Variants in ANKRD27 observed in about 807,000 individuals in gnomAD.
ANKRD27 encodes the protein ankyrin repeat domain-containing protein 27.
ANKRD27 carries 112 observed loss-of-function variants against 129.7 expected under a neutral mutation model. That is an observed-to-expected ratio of 0.86 (90% CI 0.74 to 1.01). The LOEUF is 1.01. Among genes scored for constraint, ANKRD27 ranks in the 50% least tolerant of loss-of-function variants. The pLI is 0.00. For synonymous variants in ANKRD27, 516 were observed against 511.2 expected (o/e 1.01, Z -0.13); for missense variants, 1,258 against 1,300.5 (o/e 0.97, Z 0.50).
intron 28 of ANKRD27, among the ~76,000 whole-genome samples, chr19:32,599,410 A>T (rs546600965): frequency 6.6e-6 from 1 of 152,360 alleles, no homozygotes; most frequent in South Asian, 2.1e-4. Context: ...TTTGGTGATT[A>T]AAACCATAGT....
At chr19:32,615,900 C>A in intron 21 of ANKRD27, 120 bp from the exon 22 acceptor site, 3 of 1,393,936 alleles carry the variant, frequency 2.2e-6, no homozygotes. Flanking sequence ...TCCAACCCCA[C>A]AGCCATTTAT....
rs1320582094 is a variant in ANKRD27 at position 32,628,106 on chromosome 19, G to A, written c.1397C>T (p.Pro466Leu). The A allele has an allele frequency of 1.9e-6, 3 of 1,614,196 alleles. No individual in the cohort carries two copies. Among genetic ancestry groups the A allele is most frequent in the Non-Finnish European group, 2.5e-6 (3 of 1,179,998 alleles). Residue 466 changes from proline (P) to leucine (L), a missense_variant, in exon 15 of 29, where the codon CCT becomes CTT. Pro to Leu is a moderately conservative substitution (Grantham distance 98). Transcript: ENST00000306065. ...PFSRDDRGHT[P>L]LHVAAVCGQA... ...ACCACAGACAGCAGCCACATGGAGA[G>A]GGGTGTGCCCCCTGTCGTCTCTGGA...
chr19:32,652,170 GAGT>G (rs1967429890), intron 2 of ANKRD27, among the ~76,000 whole-genome samples: 4 of 152,238 alleles, frequency 2.6e-5, no homozygotes, highest in South Asian at 2.1e-4. Flanking sequence ...AGACTTTCCA[GAGT>G]TACCGGCATA....
chr19:32,658,215 G>A (rs1416151566), intron 2 of ANKRD27, among the ~76,000 whole-genome samples: 1 of 152,120 alleles, frequency 6.6e-6, no homozygotes, highest in Admixed American at 6.5e-5. Context: ...GGCCACAGAT[G>A]ACACAAATGC....
chr19:32,623,699 C>G (rs1972048459), intron 17 of ANKRD27, among the ~76,000 whole-genome samples: 1 of 152,038 alleles, frequency 6.6e-6, no homozygotes, highest in Non-Finnish European at 1.5e-5. Flanking sequence ...TAGGTGTGTG[C>G]CACCACACAC....
intron 18 of ANKRD27, 27 bp downstream of exon 18, chr19:32,622,395 T>C: frequency 1.9e-6 from 3 of 1,611,166 alleles, no homozygotes; most frequent in Non-Finnish European, 2.5e-6. Flanking sequence ...CGAAGTCATC[T>C]TGCCCCTCAG....
chr19:32,604,543 C>A, intron 24 of ANKRD27, 119 bp from the exon 25 acceptor site: 4 of 1,118,272 alleles, frequency 3.6e-6, no homozygotes, highest in South Asian at 4.8e-5. Context: ...TGAAAGTTTC[C>A]TTAAAATTTG....
At chr19:32,641,927 C>A in intron 10 of ANKRD27, 97 bp downstream of exon 10, 1 of 1,431,978 alleles carries the variant, frequency 7.0e-7, no homozygotes, top group South Asian at 1.5e-5. Flanking sequence ...GCCACTGCAC[C>A]CAGCCCCATA....
Position 32,607,796 on chromosome 19 carries a change from T to G in ANKRD27, c.2212A>C (p.Asn738His), listed in dbSNP as rs1189632242. Residue 738 changes from asparagine (N) to histidine (H), a missense_variant, in exon 23 of 29, where the codon AAC becomes CAC. Coordinates refer to ENST00000306065, the MANE Select transcript of ANKRD27 (RefSeq NM_032139.3). Reference sequence around the variant, plus strand: ...GAGGAGCCGTCCTGGCTGGTCACGTTCACACCAAGCCCACTGGCAGGAACC... The same window carrying G: ...GAGGAGCCGTCCTGGCTGGTCACGTGCACACCAAGCCCACTGGCAGGAACC... ...AKVPASGLGV[N>H]VTSQDGSSPL... 1.1e-5 allele frequency: 17 copies of G among 1,610,354 alleles called. No individual in the cohort carries two copies. Among genetic ancestry groups the G allele is most frequent in the Non-Finnish European group, 1.4e-5 (17 of 1,178,798 alleles).
chr19:32,638,877 A>G (rs1967140324), intron 12 of ANKRD27: 1 of 193,878 alleles, frequency 5.2e-6, no homozygotes, highest in Admixed American at 5.9e-5. Context: ...CTTGGCAGGC[A>G]TGGGATCCAG....
At chr19:32,671,729 T>G (rs1967874094) in intron 1 of ANKRD27, among the ~76,000 whole-genome samples, 1 of 152,202 alleles carries the variant, frequency 6.6e-6, no homozygotes, top group Admixed American at 6.6e-5. Flanking sequence ...GTTTGCTATT[T>G]TAAAATAACA....
At position 32,598,252 on chromosome 19, in the gene ANKRD27, T is replaced by C; in HGVS notation, c.3046A>G (p.Arg1016Gly). The C allele has an allele frequency of 6.2e-7, 1 of 1,614,184 alleles. No homozygotes were observed. The highest frequency in any genetic ancestry group is 8.5e-7 in the Non-Finnish European group (1 of 1,180,026). Residue 1016 changes from arginine (R) to glycine (G), a missense_variant, in exon 29 of 29, where the codon AGA (arginine) becomes GGA (glycine). Physicochemically the swap from Arg to Gly is moderately radical, Grantham distance 125. Transcript: ENST00000306065. ...ACCGTGTGTCTCCGCAGCATCCGTC[T>C]GTGTCCAGGGCCAGTCTGTGTCAGT... Reference protein sequence around the residue: ...PGLTQTGPGHRRMLRRHTVED... With the variant: ...PGLTQTGPGHGRMLRRHTVED...
At chr19:32,651,124 G>A (rs1489236220) in intron 2 of ANKRD27, among the ~76,000 whole-genome samples, 1 of 152,154 alleles carries the variant, frequency 6.6e-6, no homozygotes, top group Non-Finnish European at 1.5e-5. Context: ...GAGGCCCTTA[G>A]ATGTTAGGCT....
intron 1 of ANKRD27, among the ~76,000 whole-genome samples, chr19:32,669,909 T>C (rs1967833594): frequency 6.6e-6 from 1 of 151,208 alleles, no homozygotes; most frequent in Non-Finnish European, 1.5e-5. Flanking sequence ...GGCAGAAGAA[T>C]TGCTTGAACC....
chr19:32,603,914 T>C (rs1971689656), intron 25 of ANKRD27, among the ~76,000 whole-genome samples: 1 of 152,188 alleles, frequency 6.6e-6, no homozygotes, highest in Non-Finnish European at 1.5e-5. Context: ...GTTCACACTG[T>C]GAGGATGGTG....
In ANKRD27 at chr19:32,604,268, C is replaced by A. The variant is rs370810859; in HGVS notation, c.2650G>T (p.Glu884Ter). The A allele has an allele frequency of 3.7e-6, 6 of 1,607,462 alleles. 1 individual carries two copies. The South Asian group carries it at 4.4e-5, about 12-fold the overall frequency. ...CTTCGACCCTCTCCACCTACCTGTT[C>A]AGCACAGTCTACAGCCGTGCGCTGC... The part of the protein sequence containing the change: ...KRQRTAVDCA[E>*]QNSKIMELLQ... The change falls in exon 25 of 29, where the codon GAA becomes TAA. Residue 884 changes from glutamate (E) to a stop codon, truncating the protein, a stop_gained. Transcript: ENST00000306065. LOFTEE classifies it high-confidence loss of function.
intron 2 of ANKRD27, among the ~76,000 whole-genome samples, chr19:32,652,937 AAAG>A (rs1226302528): frequency 6.6e-6 from 1 of 152,168 alleles, no homozygotes; most frequent in East Asian, 1.9e-4. Context: ...CAAAAGAAAG[AAAG>A]AAGAAAAGAA....
At chr19:32,657,748 C>T (rs1433935552) in intron 2 of ANKRD27, among the ~76,000 whole-genome samples, 1 of 151,936 alleles carries the variant, frequency 6.6e-6, no homozygotes, top group Non-Finnish European at 1.5e-5. Context: ...CCGAGGTGGG[C>T]AGATCACCTG....
chr19:32,664,040 A>T (rs1967697689), intron 1 of ANKRD27, among the ~76,000 whole-genome samples: 1 of 123,712 alleles, frequency 8.1e-6, no homozygotes. Flanking sequence ...TGGGCGACAG[A>T]GCGAGACTCT....
Sources: gnomAD v4.1 joint callset for allele counts (sites outside exome capture counted in the v4.1 genomes callset) on GRCh38, gnomAD v4.1.1 for gene constraint, MANE v1.5 for transcripts, NCBI Gene and HGNC (gene_info 2026-07-23, HGNC 2026-07-21) for gene names.